The following FGGY variants were observed in gnomAD, a reference collection of about 807,000 sequenced individuals.
FGGY encodes FGGY carbohydrate kinase domain-containing protein.
A neutral mutation model predicts 71.3 loss-of-function variants in FGGY; 72 were observed. That is an observed-to-expected ratio of 1.01 (90% CI 0.84 to 1.23). The LOEUF is 1.23. FGGY is among the 50% of genes most tolerant of loss of function. The probability of loss-of-function intolerance (pLI) is 0.00; values close to 1 mark genes in which losing one functional copy is unlikely to be tolerated. For missense variants in FGGY, 668 were observed against 682.3 expected (o/e 0.98, Z 0.23); for synonymous variants, 251 against 250.3 (o/e 1.00, Z -0.02).
At chr1:59,471,592 T>C (rs748390387) in intron 6 of FGGY, among the ~76,000 whole-genome samples, 12 of 152,314 alleles carry the variant, frequency 7.9e-5, no homozygotes, top group Non-Finnish European at 1.2e-4. Flanking sequence ...TTTTACTCTT[T>C]AGTATCGAAT....
At chr1:59,352,935 G>A (rs2053582497) in intron 4 of FGGY, among the ~76,000 whole-genome samples, 1 of 152,132 alleles carries the variant, frequency 6.6e-6, no homozygotes, top group Non-Finnish European at 1.5e-5. Flanking sequence ...GCAGTATGGT[G>A]GAAACTAGTC....
intron 7 of FGGY, among the ~76,000 whole-genome samples, chr1:59,546,535 G>GATTATTATTATT (rs747576612): frequency 9.3e-5 from 12 of 129,344 alleles, no homozygotes; most frequent in African/African-American, 3.1e-4. Flanking sequence ...TGATGATGAT[G>GATTATTATTATT]ATTATTATTA....
chr1:59,648,271 G>A (rs1302693176), intron 11 of FGGY, among the ~76,000 whole-genome samples: 1 of 112,342 alleles, frequency 8.9e-6, no homozygotes, highest in African/African-American at 4.1e-5. Context: ...CCCAGTAATG[G>A]GATGGCTGGG....
intron 8 of FGGY, among the ~76,000 whole-genome samples, chr1:59,558,027 A>G (rs2095718493): frequency 6.6e-6 from 1 of 152,188 alleles, no homozygotes; most frequent in Non-Finnish European, 1.5e-5. Flanking sequence ...TCAAAGACAT[A>G]GGCTCATACG....
At chr1:59,306,448 A>C (rs1443001561) in intron 1 of FGGY, among the ~76,000 whole-genome samples, 1 of 152,254 alleles carries the variant, frequency 6.6e-6, no homozygotes, top group African/African-American at 2.4e-5. Flanking sequence ...AGTAACAGTA[A>C]GACTGTTACA....
intron 4 of FGGY, among the ~76,000 whole-genome samples, chr1:59,355,171 T>G (rs2054065666): frequency 6.6e-6 from 1 of 152,366 alleles, no homozygotes; most frequent in South Asian, 2.1e-4. Flanking sequence ...CTGGCATATG[T>G]GCTAGGTAGA....
intron 2 of FGGY, among the ~76,000 whole-genome samples, chr1:59,334,609 A>G (rs569229163): frequency 1.5e-4 from 23 of 152,180 alleles, no homozygotes; most frequent in Non-Finnish European, 2.8e-4. Flanking sequence ...TTTTTTGGAC[A>G]TTTCTCATAA....
rs1212592190 is a variant in FGGY, at chr1:59,589,335, A to G, written c.904-18468A>G. Among the ~76,000 whole-genome samples, 6 of 152,248 alleles carry G rather than the reference A, an allele frequency of 3.9e-5. No individual in the cohort carries two copies. The East Asian group carries it at 9.6e-4, about 24-fold the overall frequency. ...AGACTTAGACTCCCACACAATAATAATGGGAGACTTTAACACCCCACTGTC... is the reference window on the plus strand; with the variant it reads ...AGACTTAGACTCCCACACAATAATAGTGGGAGACTTTAACACCCCACTGTC... On this transcript the variant is annotated intron_variant, in intron 8 of 15. Coordinates refer to ENST00000303721, the MANE Select transcript of FGGY (RefSeq NM_018291.5).
At chr1:59,547,711 G>C (rs2095548509) in intron 7 of FGGY, among the ~76,000 whole-genome samples, 1 of 152,138 alleles carries the variant, frequency 6.6e-6, no homozygotes, top group Admixed American at 6.5e-5. Flanking sequence ...AGTGATTTTT[G>C]ACAAGGTATG....
intron 5 of FGGY, among the ~76,000 whole-genome samples, chr1:59,444,346 A>C (rs547635152): frequency 6.6e-6 from 1 of 152,280 alleles, no homozygotes; most frequent in Non-Finnish European, 1.5e-5. Flanking sequence ...CATACATATA[A>C]TGCATAGTGA....
intron 5 of FGGY, 46 bp from the exon 6 acceptor site, chr1:59,456,915 C>G: frequency 7.1e-7 from 1 of 1,398,862 alleles, no homozygotes; most frequent in Non-Finnish European, 1.0e-6. Flanking sequence ...TAAAGGAAGC[C>G]TCACTCATAT....
At chr1:59,625,469 C>T (rs915342689) in intron 9 of FGGY, among the ~76,000 whole-genome samples, 4 of 151,916 alleles carry the variant, frequency 2.6e-5, no homozygotes, top group African/African-American at 9.7e-5. Context: ...TTTTTTTTAA[C>T]TGAGAGTTTC....
chr1:59,376,850 T>C (rs1240127452), intron 4 of FGGY, among the ~76,000 whole-genome samples: 1 of 152,256 alleles, frequency 6.6e-6, no homozygotes, highest in African/African-American at 2.4e-5. Context: ...GAAACCTTTC[T>C]TGCTAGTTCC....
At chr1:59,557,100 A>G (rs943365345) in intron 8 of FGGY, among the ~76,000 whole-genome samples, 1 of 152,174 alleles carries the variant, frequency 6.6e-6, no homozygotes, top group Non-Finnish European at 1.5e-5. Flanking sequence ...ACCCAGCAAC[A>G]ATAACACCTT....
At chr1:59,432,062 A>T (rs2067480343) in intron 5 of FGGY, among the ~76,000 whole-genome samples, 2 of 152,234 alleles carry the variant, frequency 1.3e-5, no homozygotes, top group Admixed American at 6.5e-5. Context: ...CCAGGAGGGG[A>T]GAGAGGCTGG....
chr1:59,599,116 G>C (rs1462887658), intron 8 of FGGY, among the ~76,000 whole-genome samples: 2 of 142,040 alleles, frequency 1.4e-5, no homozygotes, highest in Admixed American at 1.4e-4. Flanking sequence ...TTGTTTGTTT[G>C]TTTTTGAGAC....
At chr1:59,470,176 T>C (rs1305568766) in intron 6 of FGGY, among the ~76,000 whole-genome samples, 2 of 152,196 alleles carry the variant, frequency 1.3e-5, no homozygotes, top group Non-Finnish European at 2.9e-5. Context: ...AATCGCCACA[T>C]TGTCTTCCAC....
chr1:59,449,606 T>C (rs1005827141), intron 5 of FGGY, among the ~76,000 whole-genome samples: 5 of 152,216 alleles, frequency 3.3e-5, no homozygotes, highest in African/African-American at 1.2e-4. Context: ...TTTGCATCTT[T>C]TTACTCTTTA....
At chr1:59,410,547 T>A (rs2063462508) in intron 5 of FGGY, among the ~76,000 whole-genome samples, 1 of 152,152 alleles carries the variant, frequency 6.6e-6, no homozygotes. Context: ...GTCTGTAAGA[T>A]TATTGATGAT....
Sources: gnomAD v4.1 joint callset for allele counts (sites outside exome capture counted in the v4.1 genomes callset) on GRCh38, gnomAD v4.1.1 for gene constraint, MANE v1.5 for transcripts, NCBI Gene and HGNC (gene_info 2026-07-23, HGNC 2026-07-21) for gene names.